The following ZDHHC14 variants were observed in gnomAD, a reference collection of about 807,000 sequenced individuals.
ZDHHC14 encodes the protein zDHHC palmitoyltransferase 14, also known as palmitoyltransferase ZDHHC14.
In ZDHHC14, 16 loss-of-function variants were observed where a neutral mutation model predicts 47.7. The observed-to-expected ratio is 0.34, with a 90% CI of 0.23 to 0.51. The LOEUF (loss-of-function observed/expected upper bound fraction) is 0.51, where lower values mean the gene tolerates loss of function less well. Ranked by LOEUF, ZDHHC14 falls within the 20% of genes least tolerant of loss-of-function variation. The pLI is 0.97. For synonymous variants in ZDHHC14, 293 were observed against 278.9 expected, an observed-to-expected ratio of 1.05 and a Z score of -0.50; for missense variants, 515 against 662.5, an observed-to-expected ratio of 0.78 and a Z score of 2.44.
chr6:157,416,252 G>A (rs922960543), intron 1 of ZDHHC14, among the ~76,000 whole-genome samples: 5 of 152,206 alleles, frequency 3.3e-5, no homozygotes, highest in Non-Finnish European at 7.3e-5. Context: ...AAAGATTGTA[G>A]ATGATTTGAA....
At chr6:157,448,839 G>A (rs1208072537) in intron 1 of ZDHHC14, among the ~76,000 whole-genome samples, 1 of 152,218 alleles carries the variant, frequency 6.6e-6, no homozygotes, top group African/African-American at 2.4e-5. Context: ...GCCTTCCAAA[G>A]TGCTGGGATT....
At chr6:157,652,201 C>A (rs1005444909) in intron 7 of ZDHHC14, among the ~76,000 whole-genome samples, 5 of 152,032 alleles carry the variant, frequency 3.3e-5, no homozygotes, top group African/African-American at 1.2e-4. Context: ...TTGAGGATCC[C>A]GTCACAAGTG....
At chr6:157,652,070 C>G (rs926884657) in intron 7 of ZDHHC14, among the ~76,000 whole-genome samples, 2 of 152,188 alleles carry the variant, frequency 1.3e-5, no homozygotes, top group Non-Finnish European at 1.5e-5. Context: ...GTTTGAGAAC[C>G]CCCTTTGACA....
At chr6:157,505,693 C>T (rs765968289) in intron 1 of ZDHHC14, among the ~76,000 whole-genome samples, 4 of 151,772 alleles carry the variant, frequency 2.6e-5, no homozygotes, top group Non-Finnish European at 5.9e-5. Flanking sequence ...TGTGACTTGG[C>T]GAAATGTTTG....
At chr6:157,516,757 C>G (rs1243318550) in intron 1 of ZDHHC14, among the ~76,000 whole-genome samples, 1 of 152,196 alleles carries the variant, frequency 6.6e-6, no homozygotes, top group Non-Finnish European at 1.5e-5. Context: ...GAAATGGCAA[C>G]CTTCTGTGGG....
Position 157,593,016 on chromosome 6 carries a change from G to T in ZDHHC14, c.435G>T (p.Gly145=), listed in dbSNP as rs1372218920. 2 of 1,613,996 alleles carry T rather than the reference G, an allele frequency of 1.2e-6. No individual in the cohort carries two copies. The highest frequency in any genetic ancestry group is 1.7e-6 in the Non-Finnish European group (2 of 1,179,928). The change falls in exon 3 of 9, where the codon GGG becomes GGT. Residue 145 remains glycine (G), a synonymous_variant. Transcript: ENST00000359775. ...IDIANGTSSG[G]YRPPPRTKEV... is the part of the protein sequence containing the mutation. ...TCGCAAACGGCACCAGTTCAGGGGG[G>T]TACCGCCCGCCTCCCAGAACCAAAG... is the stretch of plus-strand genomic sequence containing the variant.
At chr6:157,641,146 T>C (rs1777229492) in intron 5 of ZDHHC14, among the ~76,000 whole-genome samples, 1 of 151,652 alleles carries the variant, frequency 6.6e-6, no homozygotes, top group African/African-American at 2.4e-5. Context: ...AGTTTAGTCT[T>C]CTGTTGATGG....
At chr6:157,391,947 G>A (rs1000027361) in intron 1 of ZDHHC14, among the ~76,000 whole-genome samples, 1 of 152,174 alleles carries the variant, frequency 6.6e-6, no homozygotes, top group African/African-American at 2.4e-5. Flanking sequence ...GATTTGATTT[G>A]TGTAAATATG....
At chr6:157,442,770 G>C (rs1005638100) in intron 1 of ZDHHC14, among the ~76,000 whole-genome samples, 5 of 152,186 alleles carry the variant, frequency 3.3e-5, no homozygotes, top group African/African-American at 1.2e-4. Flanking sequence ...TCTCCTTCTG[G>C]CTCTTACTCA....
At chr6:157,473,749 C>A (rs1486069712) in intron 1 of ZDHHC14, among the ~76,000 whole-genome samples, 1 of 152,126 alleles carries the variant, frequency 6.6e-6, no homozygotes, top group Non-Finnish European at 1.5e-5. Flanking sequence ...AAAACACAGT[C>A]AAAACTTTCC....
chr6:157,597,025 T>C (rs778647796), intron 3 of ZDHHC14, among the ~76,000 whole-genome samples: 2 of 152,208 alleles, frequency 1.3e-5, no homozygotes, highest in African/African-American at 2.4e-5. Context: ...CCTGTTTCCG[T>C]CTGTCTCTTT....
At chr6:157,399,304 C>T (rs1173575322) in intron 1 of ZDHHC14, among the ~76,000 whole-genome samples, 2 of 152,210 alleles carry the variant, frequency 1.3e-5, no homozygotes, top group South Asian at 2.1e-4. Flanking sequence ...ACCTGTAAGA[C>T]ACCACAGTGC....
At chr6:157,395,066 G>A (rs1777493392) in intron 1 of ZDHHC14, among the ~76,000 whole-genome samples, 2 of 148,486 alleles carry the variant, frequency 1.3e-5, no homozygotes, top group African/African-American at 5.0e-5. Context: ...GTGTGCCCTG[G>A]TGGGAAAGTA....
At position 157,593,133 on chromosome 6, in the gene ZDHHC14, T is replaced by C; in HGVS notation, c.552T>C (p.Cys184=). 6.2e-7 allele frequency: 1 copy of C among 1,612,934 alleles called. No individual in the cohort carries two copies. The highest frequency in any genetic ancestry group is 1.3e-5 in the African/African-American group (1 of 75,032). Residue 184 remains cysteine (C), a synonymous_variant, in exon 3 of 9, where the codon TGT becomes TGC. Coordinates refer to ENST00000359775, the MANE Select transcript of ZDHHC14 (RefSeq NM_024630.3). ...RPPRASHCSL[C]DNCVERFDHH... ...CTCGCGCCTCCCATTGCAGCCTTTG[T>C]GATAACTGCGTAGGTGAGTAGTGCC...
At chr6:157,546,877 C>T (rs1472225728) in intron 2 of ZDHHC14, among the ~76,000 whole-genome samples, 1 of 152,154 alleles carries the variant, frequency 6.6e-6, no homozygotes, top group Non-Finnish European at 1.5e-5. Context: ...CGTCCTGACC[C>T]GATGCTGAGA....
At chr6:157,597,566 A>G (rs1784180408) in intron 3 of ZDHHC14, among the ~76,000 whole-genome samples, 1 of 152,376 alleles carries the variant, frequency 6.6e-6, no homozygotes. Context: ...CAAACCGGTT[A>G]TACAAGAGTC....
intron 1 of ZDHHC14, among the ~76,000 whole-genome samples, chr6:157,413,466 T>C (rs953839854): frequency 2.0e-5 from 3 of 152,220 alleles, no homozygotes; most frequent in Admixed American, 2.0e-4. Flanking sequence ...TTAGTTTGCC[T>C]CAGGAAGGGG....
intron 1 of ZDHHC14, among the ~76,000 whole-genome samples, chr6:157,395,006 T>C (rs1227329387): frequency 6.7e-6 from 1 of 150,248 alleles, no homozygotes; most frequent in Non-Finnish European, 1.5e-5. Flanking sequence ...CGTGCACCCA[T>C]AATTTTGCCT....
At chr6:157,542,465 ATT>A in intron 1 of ZDHHC14, 118 bp from the exon 2 acceptor site, 1 of 1,346,110 alleles carries the variant, frequency 7.4e-7, no homozygotes, top group Non-Finnish European at 1.0e-6. Context: ...ATGGAAATCA[ATT>A]TCTCTCCTCC....
Sources: allele counts gnomAD v4.1 joint callset (sites outside exome capture counted in the v4.1 genomes callset), GRCh38; gene constraint gnomAD v4.1.1; transcripts MANE v1.5; gene names NCBI Gene and HGNC (gene_info 2026-07-23, HGNC 2026-07-21).